Variants in MIER2 observed in about 807,000 individuals in gnomAD.
The protein encoded by MIER2 is mesoderm induction early response protein 2.
A neutral mutation model predicts 67.6 loss-of-function variants in MIER2; 30 were observed. The ratio of observed to expected loss-of-function variants is 0.44; its 90% confidence interval spans 0.33 to 0.60. MIER2 has a LOEUF of 0.60. Among genes scored for constraint, MIER2 ranks in the 20% least tolerant of loss-of-function variants. The pLI is 0.02. For synonymous variants in MIER2, 372 were observed against 312.6 expected (o/e 1.19, Z -2.00); for missense variants, 702 against 745.1 (o/e 0.94, Z 0.67).
intron 3 of MIER2, among the ~76,000 whole-genome samples, chr19:331,192 T>C (rs1213499832): frequency 1.3e-5 from 2 of 151,792 alleles, no homozygotes; most frequent in Non-Finnish European, 2.9e-5. Flanking sequence ...AAACCTCGTC[T>C]CTACTAAAAA....
chr19:327,964 A>G lies in MIER2; in HGVS notation c.269T>C (p.Leu90Pro). The change falls in exon 4 of 14, where the codon CTG becomes CCG. Residue 90 changes from leucine (L) to proline (P), a missense_variant. Leu to Pro is a moderately conservative substitution (Grantham distance 98, BLOSUM62 -3). This residue lies in a region of MIER2 where 320 missense variants were observed against 292.6 expected (regional missense o/e 1.09). Transcript: ENST00000264819. ...CGCCTCGTAGCCATAGAGCGCAAGCAGCTCATCAAAGGGCATGTCGTTGCT... is the reference window on the plus strand; with the variant it reads ...CGCCTCGTAGCCATAGAGCGCAAGCGGCTCATCAAAGGGCATGTCGTTGCT... ...SQSNDMPFDE[L>P]LALYGYEASD... 6.2e-7 allele frequency: 1 copy of G among 1,613,306 alleles called. No individual in the cohort carries two copies. Among genetic ancestry groups the G allele is most frequent in the Non-Finnish European group, 8.5e-7 (1 of 1,179,578 alleles).
At position 327,125 on chromosome 19, in the gene MIER2, T is replaced by A; in HGVS notation, c.493+8A>T. 3 of 1,574,008 alleles carry A rather than the reference T, an allele frequency of 1.9e-6. No homozygotes were observed. Among genetic ancestry groups the A allele is most frequent in the Non-Finnish European group, 8.6e-7 (1 of 1,168,048 alleles). Reference sequence around the variant, plus strand: ...GCTGCGGTGGAGTATGGGGACAGAGTCACCTACATCCACTCCGGTTAGGGA... The same window carrying A: ...GCTGCGGTGGAGTATGGGGACAGAGACACCTACATCCACTCCGGTTAGGGA... On this transcript the variant is annotated splice_region_variant and intron_variant, in intron 5 of 13. Transcript: ENST00000264819.
rs560938472 is a variant in MIER2 at position 335,967 on chromosome 19, G to A, written c.100+116C>T. The A allele has an allele frequency of 2.1e-4, 210 of 986,612 alleles. 3 individuals carry two copies. The East Asian group carries it at 5.2e-3, about 24-fold the overall frequency. The allele number at this position is 986,612 out of a possible 1,614,324, so 61.1% of individuals were successfully genotyped here. A position where few individuals can be genotyped will look rare whatever the true frequency, so the allele number is the denominator to read the frequency against. ...GAACGGGTGGGAGCTGGGACACCCTGGACTCTGGAAGCCAGTGTGCCGGTC... is the reference window on the plus strand; with the variant it reads ...GAACGGGTGGGAGCTGGGACACCCTAGACTCTGGAAGCCAGTGTGCCGGTC... On this transcript the variant is annotated intron_variant, in intron 2 of 13. Coordinates refer to ENST00000264819, the MANE Select transcript of MIER2 (RefSeq NM_017550.3).
chr19:326,621 C>T, intron 5 of MIER2, 23 bp from the exon 6 acceptor site: 1 of 1,594,668 alleles, frequency 6.3e-7, no homozygotes, highest in Non-Finnish European at 8.6e-7. Context: ...AGAGGCAGGT[C>T]CCCCAGGGTC....
intron 7 of MIER2, among the ~76,000 whole-genome samples, chr19:322,157 G>C (rs1042434132): frequency 4.6e-5 from 7 of 151,932 alleles, no homozygotes; most frequent in Non-Finnish European, 1.0e-4. Flanking sequence ...CTCCCACCTC[G>C]GCCTCCCAAA....
chr19:320,993 G>A (rs995994644), intron 7 of MIER2, among the ~76,000 whole-genome samples: 9 of 152,148 alleles, frequency 5.9e-5, no homozygotes, highest in African/African-American at 1.9e-4. Context: ...TCAAGTAGCC[G>A]ACACAAGGCA....
At chr19:334,602 C>T (rs1028836230) in intron 2 of MIER2, 60 bp from the exon 3 acceptor site, 30 of 1,580,750 alleles carry the variant, frequency 1.9e-5, no homozygotes, top group African/African-American at 2.7e-5. Flanking sequence ...ACCATCCTGC[C>T]GAGACTACTG....
At chr19:343,983 T>C in intron 1 of MIER2, 2 of 985,452 alleles carry the variant, frequency 2.0e-6, no homozygotes, top group Admixed American at 1.2e-4. Context: ...GTGGGTTTGA[T>C]CAAACATCAC....
intron 7 of MIER2, among the ~76,000 whole-genome samples, chr19:325,260 G>A (rs559759696): frequency 2.2e-4 from 33 of 152,346 alleles, no homozygotes; most frequent in African/African-American, 7.0e-4. Flanking sequence ...GGGGTGCAGC[G>A]CAGCATCCGG....
intron 6 of MIER2, among the ~76,000 whole-genome samples, chr19:326,142 T>TGGGC (rs1971731116): frequency 7.0e-6 from 1 of 142,200 alleles, no homozygotes; most frequent in Non-Finnish European, 1.5e-5. Context: ...GGCAGAGCCA[T>TGGGC]GGGAGGGATG....
chr19:324,827 C>T (rs1195452358), intron 7 of MIER2, among the ~76,000 whole-genome samples: 1 of 152,252 alleles, frequency 6.6e-6, no homozygotes, highest in African/African-American at 2.4e-5. Flanking sequence ...ACTCCAAAGC[C>T]AGGGTTTCTG....
Position 325,621 on chromosome 19 carries a change from C to T in MIER2, c.655+14G>A. The T allele has an allele frequency of 1.2e-6, 2 of 1,614,210 alleles. No homozygotes were observed. The highest frequency in any genetic ancestry group is 8.5e-7 in the Non-Finnish European group (1 of 1,180,016). ...AGAAGTGGGTTTCGCCTCCTCTCCC[C>T]AGGCCCTACTTACTCTTCTCACAGT... On this transcript the variant is annotated intron_variant, in intron 7 of 13. Transcript: ENST00000264819.
Position 308,677 on chromosome 19 carries a change from G to A in MIER2, c.1110-12C>T. 6.2e-7 allele frequency: 1 copy of A among 1,600,382 alleles called. No individual in the cohort carries two copies. Among genetic ancestry groups the A allele is most frequent in the Non-Finnish European group, 8.5e-7 (1 of 1,174,908 alleles). ...CCTGGTCTGCGTCCCTGTGGGGAGA[G>A]GGCGCCATGAGGGGCGGCAGACAGG... On this transcript the variant is annotated splice_polypyrimidine_tract_variant and intron_variant, in intron 11 of 13. Transcript: ENST00000264819. The surrounding 1 kb of genome is among the most constrained non-coding windows in gnomAD (Gnocchi z 9.1).
Position 326,962 on chromosome 19 carries a change from A to G in MIER2, c.493+171T>C, listed in dbSNP as rs773696692. ...CTCTGAGAGTCCAGGCTCACTGGCC[A>G]GCGTGGAGGAGAACAAAGCACCCCC... On this transcript the variant is annotated intron_variant, in intron 5 of 13. Coordinates refer to ENST00000264819, the MANE Select transcript of MIER2 (RefSeq NM_017550.3). 167 of 868,392 alleles carry G rather than the reference A, an allele frequency of 1.9e-4. 1 individual carries two copies. Among genetic ancestry groups the G allele is most frequent in the Middle Eastern group, 3.5e-4 (1 of 2,876 alleles). 53.8% of individuals were successfully genotyped at this position (868,392 alleles called of 1,614,324 possible).
In MIER2 at chr19:327,273, A is replaced by C. The variant is rs1971804092; in HGVS notation, c.370-17T>G. 1 of 1,575,702 alleles carries C rather than the reference A, an allele frequency of 6.3e-7. No homozygotes were observed. The highest frequency in any genetic ancestry group is 8.5e-7 in the Non-Finnish European group (1 of 1,169,930). On this transcript the variant is annotated splice_polypyrimidine_tract_variant and intron_variant, in intron 4 of 13. Transcript: ENST00000264819. ...TATTTGTTCCTTTAAAAAAAAAAAA[A>C]AAAGTAAAGAACATTTTACAGTTTA... is the stretch of plus-strand genomic sequence containing the variant.
intron 12 of MIER2, among the ~76,000 whole-genome samples, chr19:307,767 A>G (rs115301934): frequency 1.8e-3 from 210 of 115,408 alleles, no homozygotes; most frequent in Middle Eastern, 4.7e-3. Context: ...CACAACCCAC[A>G]TCTTTAAAAA....
intron 7 of MIER2, 108 bp downstream of exon 7, chr19:325,527 A>T: frequency 1.6e-6 from 2 of 1,268,140 alleles, no homozygotes; most frequent in Non-Finnish European, 2.3e-6. Context: ...TGCCCCAGTG[A>T]GCGATGCGGG....
At chr19:315,780 C>A (rs1971211372) in intron 7 of MIER2, among the ~76,000 whole-genome samples, 1 of 152,210 alleles carries the variant, frequency 6.6e-6, no homozygotes, top group South Asian at 2.1e-4. Flanking sequence ...AGCACAAAAT[C>A]TGAAGAGGTA....
At position 306,692 on chromosome 19, in the gene MIER2, A is replaced by G. The variant is rs1244957692; in HGVS notation, c.1636T>C (p.Ter546ArgextTer14). Residue 546 changes from the stop codon to arginine, a stop_lost, in exon 14 of 14, where the codon TGA (stop) becomes CGA (arginine). Coordinates refer to ENST00000264819, the MANE Select transcript of MIER2 (RefSeq NM_017550.3). The part of the protein sequence containing the change: ...PLSHCNVMTC[*>R] Reference sequence around the variant, plus strand: ...CATACGCCGCCCGCGGCCAGGAGTCAGCAGGTCATCACGTTACAGCTGCAG... The same window carrying G: ...CATACGCCGCCCGCGGCCAGGAGTCGGCAGGTCATCACGTTACAGCTGCAG... 1 of 1,560,100 alleles carries G rather than the reference A, an allele frequency of 6.4e-7. No individual in the cohort carries two copies. Among genetic ancestry groups the G allele is most frequent in the Non-Finnish European group, 8.7e-7 (1 of 1,152,080 alleles).
Sources: allele counts gnomAD v4.1 joint callset (sites outside exome capture counted in the v4.1 genomes callset), GRCh38; gene constraint gnomAD v4.1.1; regional missense constraint gnomAD v4.1.1; non-coding constraint Gnocchi (gnomAD v3.1); transcripts MANE v1.5; gene names NCBI Gene and HGNC (gene_info 2026-07-23, HGNC 2026-07-21).